The following BCL11B variants were observed in gnomAD, a reference collection of about 807,000 sequenced individuals.
BCL11B encodes B-cell lymphoma/leukemia 11B.
Under a neutral mutation model 49.9 loss-of-function variants are expected in BCL11B, and 8 were observed. The ratio of observed to expected loss-of-function variants is 0.16; its 90% confidence interval spans 0.09 to 0.29. The LOEUF (loss-of-function observed/expected upper bound fraction) is 0.29. Among genes scored for constraint, BCL11B ranks in the 10% least tolerant of loss-of-function variants. The pLI, the probability that BCL11B is intolerant of heterozygous loss-of-function variation, is 1.00. For synonymous variants in BCL11B, 739 were observed against 637.4 expected (o/e 1.16, Z -2.40); for missense variants, 1,006 against 1,351.0 (o/e 0.74, Z 4.00).
chr14:99,219,739 A>C (rs1887954736), intron 3 of BCL11B, among the ~76,000 whole-genome samples: 1 of 151,988 alleles, frequency 6.6e-6, no homozygotes, highest in Non-Finnish European at 1.5e-5. Context: ...CATTTGTAGA[A>C]TTTTCTTCCC....
intron 2 of BCL11B, among the ~76,000 whole-genome samples, chr14:99,244,293 C>A (rs1216432283): frequency 6.7e-6 from 1 of 149,780 alleles, no homozygotes; most frequent in African/African-American, 2.5e-5. Flanking sequence ...TGAACAATTA[C>A]CCCCCCCTCA....
intron 2 of BCL11B, among the ~76,000 whole-genome samples, chr14:99,253,691 C>A (rs183916740): frequency 8.5e-4 from 129 of 152,246 alleles, no homozygotes; most frequent in African/African-American, 3.0e-3. Context: ...CTCCTCACCC[C>A]TCCTCAAAAC....
chr14:99,251,381 C>T (rs1317946699), intron 2 of BCL11B, among the ~76,000 whole-genome samples: 1 of 152,122 alleles, frequency 6.6e-6, no homozygotes, highest in East Asian at 1.9e-4. Context: ...AACCTTATAA[C>T]AAGCCCAAAA....
intron 2 of BCL11B, among the ~76,000 whole-genome samples, chr14:99,254,798 G>A (rs938815937): frequency 6.0e-4 from 91 of 152,238 alleles, no homozygotes; most frequent in Non-Finnish European, 1.8e-4. Context: ...AGAAGTGCCC[G>A]TGATTCCTAG....
At position 99,173,750 on chromosome 14, in the gene BCL11B, G is replaced by C; in HGVS notation, c.*401C>G. ...CCTCCCCCCAAATTATAATTTAAAA[G>C]ATATGCTTCCCCTCTAACATTGCTT... On this transcript the variant is annotated 3_prime_UTR_variant, in exon 4 of 4. Transcript: ENST00000357195. 1 of 240,212 alleles carries C rather than the reference G, an allele frequency of 4.2e-6. No homozygotes were observed. The allele number at this position is 240,212 out of a possible 1,614,324, so 14.9% of individuals were successfully genotyped here.
rs1888222854 is a variant in BCL11B at position 99,228,614 on chromosome 14, C to G, written c.640+2731G>C. ...ACTGCAATCAAGCACTGGTTGCTCACAGGCTCTGAGTCCTGGCAGCTCTCA... is the reference window on the plus strand; with the variant it reads ...ACTGCAATCAAGCACTGGTTGCTCAGAGGCTCTGAGTCCTGGCAGCTCTCA... On this transcript the variant is annotated intron_variant, in intron 3 of 3. Coordinates refer to ENST00000357195, the MANE Select transcript of BCL11B (RefSeq NM_138576.4). The surrounding 1 kb of genome is among the most constrained non-coding windows in gnomAD (Gnocchi z 4.8). 6.6e-6 allele frequency among the ~76,000 whole-genome samples: 1 copy of G among 152,206 alleles called. No homozygotes were observed. Among genetic ancestry groups the G allele is most frequent in the Non-Finnish European group, 1.5e-5 (1 of 68,038 alleles).
At chr14:99,180,199 G>A (rs1349261950) in intron 3 of BCL11B, among the ~76,000 whole-genome samples, 2 of 152,170 alleles carry the variant, frequency 1.3e-5, no homozygotes, top group Non-Finnish European at 2.9e-5. Flanking sequence ...ACAGGCTGCT[G>A]AGATTCCCAC....
chr14:99,271,592 A>C lies in BCL11B; in HGVS notation c.-374T>G. 5.0e-6 allele frequency: 1 copy of C among 201,696 alleles called. No individual in the cohort carries two copies. The highest frequency in any genetic ancestry group is 1.0e-5 in the Non-Finnish European group (1 of 97,264). The allele number at this position is 201,696 out of a possible 1,614,324, so 12.5% of individuals were successfully genotyped here. ...AAATATATTCTTTCGAAGGAAAAAA[A>C]ATCTCTTACACTTCTTCAAACTGCT... is the stretch of plus-strand genomic sequence containing the variant. On this transcript the variant is annotated 5_prime_UTR_variant, in exon 1 of 4. The change creates a new upstream start codon in the 5' untranslated region. Coordinates refer to ENST00000357195, the MANE Select transcript of BCL11B (RefSeq NM_138576.4).
At chr14:99,222,479 G>A (rs567570973) in intron 3 of BCL11B, among the ~76,000 whole-genome samples, 3 of 152,290 alleles carry the variant, frequency 2.0e-5, no homozygotes, top group African/African-American at 7.2e-5. Flanking sequence ...CGAGGAAATC[G>A]ACTTGGTTAA....
intron 3 of BCL11B, among the ~76,000 whole-genome samples, chr14:99,221,472 C>G (rs751933068): frequency 2.0e-5 from 3 of 152,240 alleles, no homozygotes; most frequent in Admixed American, 6.5e-5. Context: ...TACTGGCGTT[C>G]TAATTACCCG....
At position 99,194,810 on chromosome 14, in the gene BCL11B, T is replaced by G. The variant is rs1020880027; in HGVS notation, c.641-18615A>C. Among the ~76,000 whole-genome samples the G allele has an allele frequency of 6.6e-6, 1 of 152,088 alleles. No individual in the cohort carries two copies. The highest frequency in any genetic ancestry group is 2.4e-5 in the African/African-American group (1 of 41,410). Reference sequence around the variant, plus strand: ...CTTCGATAATAGCAACCCCCGAGGATGCAGACAGGCCTGAACCACGGGCAC... The same window carrying G: ...CTTCGATAATAGCAACCCCCGAGGAGGCAGACAGGCCTGAACCACGGGCAC... On this transcript the variant is annotated intron_variant, in intron 3 of 3. Coordinates refer to ENST00000357195, the MANE Select transcript of BCL11B (RefSeq NM_138576.4). This position sits in a 1 kb window ranked among gnomAD's most constrained non-coding sequence, Gnocchi z 4.6.
Position 99,174,569 on chromosome 14 carries a change from G to C in BCL11B, c.2267C>G (p.Pro756Arg). 2 of 1,517,968 alleles carry C rather than the reference G, an allele frequency of 1.3e-6. No homozygotes were observed. The highest frequency in any genetic ancestry group is 1.8e-6 in the Non-Finnish European group (2 of 1,135,548). 94.0% of individuals were successfully genotyped at this position (1,517,968 alleles called of 1,614,324 possible). Residue 756 changes from proline to arginine, a missense_variant, in exon 4 of 4, where the codon CCC (proline) becomes CGC (arginine). This residue lies in a region of BCL11B where 443 missense variants were observed against 499.7 expected (regional missense o/e 0.89). Transcript: ENST00000357195. ...GAGGCCGCCGTCCAGCAGGTCCCCG[G>C]GCGGCGTGGAGAAGCGCAGGCTGCC... ...ENGSLRFSTP[P>R]GDLLDGGLSG... is the part of the protein sequence containing the mutation.
intron 1 of BCL11B, among the ~76,000 whole-genome samples, chr14:99,270,378 T>C (rs1302128867): frequency 6.6e-6 from 1 of 150,622 alleles, no homozygotes; most frequent in Non-Finnish European, 1.5e-5. Flanking sequence ...TTTTTTTTTT[T>C]CCTCGTGGCG....
chr14:99,218,350 G>A (rs1439168236), intron 3 of BCL11B, among the ~76,000 whole-genome samples: 1 of 151,510 alleles, frequency 6.6e-6, no homozygotes, highest in Non-Finnish European at 1.5e-5. Context: ...AAAGTGCTGG[G>A]ATTACAGGCA....
intron 1 of BCL11B, among the ~76,000 whole-genome samples, chr14:99,259,685 G>T (rs902581037): frequency 2.0e-5 from 3 of 152,172 alleles, no homozygotes; most frequent in African/African-American, 7.2e-5. Flanking sequence ...ACAAGGTAAA[G>T]AAACAGTCCT....
In BCL11B at chr14:99,238,195, G is replaced by A. The variant is rs117605556; in HGVS notation, c.428-6638C>T. Among the ~76,000 whole-genome samples the A allele has an allele frequency of 1.2e-3, 190 of 152,148 alleles. 6 individuals carry two copies. The East Asian group carries it at 0.029, about 24-fold the overall frequency. Reference sequence around the variant, plus strand: ...AAGCTCCTCCTCTTGGAGCACTTCCGAAATCTCATCCCAGAAAATGGAGAG... The same window carrying A: ...AAGCTCCTCCTCTTGGAGCACTTCCAAAATCTCATCCCAGAAAATGGAGAG... On this transcript the variant is annotated intron_variant, in intron 2 of 3. Coordinates refer to ENST00000357195, the MANE Select transcript of BCL11B (RefSeq NM_138576.4).
intron 3 of BCL11B, among the ~76,000 whole-genome samples, chr14:99,200,771 T>C (rs1281127671): frequency 6.6e-6 from 1 of 152,186 alleles, no homozygotes; most frequent in Non-Finnish European, 1.5e-5. Flanking sequence ...CGGCAAGTCC[T>C]GGACAAGAAG....
intron 3 of BCL11B, among the ~76,000 whole-genome samples, chr14:99,180,103 C>T (rs555724104): frequency 1.3e-5 from 2 of 152,178 alleles, no homozygotes; most frequent in African/African-American, 4.8e-5. Context: ...CTGTCACCCC[C>T]CTCCAGGAAC....
At chr14:99,261,400 T>C (rs1889333959) in intron 1 of BCL11B, among the ~76,000 whole-genome samples, 1 of 152,142 alleles carries the variant, frequency 6.6e-6, no homozygotes, top group Admixed American at 6.5e-5. Context: ...AAGGGCAAAG[T>C]GACACCCCTC....
Sources: gnomAD v4.1 joint callset for allele counts (sites outside exome capture counted in the v4.1 genomes callset) on GRCh38, gnomAD v4.1.1 for gene constraint, gnomAD v4.1.1 regional missense constraint, Gnocchi (gnomAD v3.1) non-coding constraint, MANE v1.5 for transcripts, NCBI Gene and HGNC (gene_info 2026-07-23, HGNC 2026-07-21) for gene names.